DYSF: variants seen among roughly 807,000 people sequenced by gnomAD.
The protein encoded by DYSF is dysferlin.
A neutral mutation model predicts 274.9 loss-of-function variants in DYSF; 212 were observed. The observed-to-expected ratio is 0.77, with a 90% CI of 0.69 to 0.86. The LOEUF (loss-of-function observed/expected upper bound fraction) is 0.86, where lower values mean the gene tolerates loss of function less well. DYSF is among the 40% of genes least tolerant of loss of function. The pLI is 0.00. For missense variants in DYSF, 2,666 were observed against 2,783.2 expected (o/e 0.96, Z 0.95); for synonymous variants, 1,091 against 1,078.7 (o/e 1.01, Z -0.22).
intron 42 of DYSF, among the ~76,000 whole-genome samples, 176 bp from the exon 43 acceptor site, chr2:71,655,986 A>G (rs2094760460): frequency 6.6e-6 from 1 of 151,500 alleles, no homozygotes; most frequent in South Asian, 2.1e-4. Flanking sequence ...CTTTGCCTTC[A>G]TTCCTTTATT....
chr2:71,589,176 T>C (rs1412200328), intron 30 of DYSF, among the ~76,000 whole-genome samples: 4 of 152,094 alleles, frequency 2.6e-5, no homozygotes, highest in Non-Finnish European at 5.9e-5. Context: ...CCCAGCTCGA[T>C]GTTAGCAGGG....
rs547542541 is a variant in DYSF, at chr2:71,636,024, A to G, written c.4528-7941A>G. On this transcript the variant is annotated intron_variant, in intron 41 of 55. Coordinates refer to ENST00000410020, the MANE Select transcript of DYSF (RefSeq NM_001130987.2). Reference sequence around the variant, plus strand: ...TGAGGAAGTGGCTTAGGGATCTATCAGGGGGAATAGTGTTCCTGCCAGGGG... The same window carrying G: ...TGAGGAAGTGGCTTAGGGATCTATCGGGGGGAATAGTGTTCCTGCCAGGGG... Among the ~76,000 whole-genome samples, 36 of 152,228 alleles carry G rather than the reference A, an allele frequency of 2.4e-4. No individual in the cohort carries two copies. In the South Asian group the frequency reaches 7.3e-3, roughly 31 times the overall value.
intron 37 of DYSF, 53 bp downstream of exon 37, chr2:71,611,399 T>A (rs2093757401): frequency 6.2e-7 from 1 of 1,613,804 alleles, no homozygotes; most frequent in Admixed American, 1.7e-5. Context: ...CCCTTCCCCT[T>A]CCTGGCCCCA....
chr2:71,641,178 A>AT (rs10683765), intron 41 of DYSF, among the ~76,000 whole-genome samples: 82,461 of 124,238 alleles, frequency 0.66, 29,029 homozygotes, highest in Non-Finnish European at 0.74. Context: ...ATGTTTATCT[A>AT]TTTTTTTTTT....
intron 33 of DYSF, among the ~76,000 whole-genome samples, chr2:71,598,971 G>T (rs1329459691): frequency 2.0e-5 from 3 of 152,258 alleles, no homozygotes; most frequent in Non-Finnish European, 4.4e-5. Flanking sequence ...TCCGGAAAAG[G>T]CGCTTGGTTG....
intron 10 of DYSF, among the ~76,000 whole-genome samples, chr2:71,519,663 A>G (rs1437043466): frequency 5.3e-5 from 8 of 150,842 alleles, no homozygotes; most frequent in Admixed American, 5.3e-4. Context: ...TTTTTTTTTG[A>G]GACGGATTTT....
In DYSF at chr2:71,612,679, C is replaced by T. The variant is rs547886773; in HGVS notation, c.4260C>T (p.Thr1420=). The T allele has an allele frequency of 1.4e-5, 23 of 1,614,170 alleles. No homozygotes were observed. Among genetic ancestry groups the T allele is most frequent in the East Asian group, 1.1e-4 (5 of 44,876 alleles). The part of the protein sequence containing the change: ...PREELYCPPI[T]VKVIDNRQFG... ...AGGAGCTCTACTGCCCCCCCATCAC[C>T]GTCAAGGTCATCGATAACCGCCAGT... The change falls in exon 39 of 56, where the codon ACC becomes ACT. Residue 1420 remains threonine (T), a synonymous_variant. Transcript: ENST00000410020.
intron 30 of DYSF, among the ~76,000 whole-genome samples, chr2:71,580,307 T>A (rs924384943): frequency 1.6e-4 from 25 of 152,168 alleles, no homozygotes; most frequent in African/African-American, 6.0e-4. Context: ...CCGACTGCAG[T>A]AGAGAGGACC....
At position 71,601,540 on chromosome 2, in the gene DYSF, T is replaced by C; in HGVS notation, c.3927+12T>C. On this transcript the variant is annotated intron_variant, in intron 35 of 55. Coordinates refer to ENST00000410020, the MANE Select transcript of DYSF (RefSeq NM_001130987.2). Reference sequence around the variant, plus strand: ...TTCCTGGTTTTGAGGTAAGTCTTGCTCTGACCTTTCCTTCTTCAAACTGAT... The same window carrying C: ...TTCCTGGTTTTGAGGTAAGTCTTGCCCTGACCTTTCCTTCTTCAAACTGAT... 1 of 1,614,196 alleles carries C rather than the reference T, an allele frequency of 6.2e-7. No individual in the cohort carries two copies. Among genetic ancestry groups the C allele is most frequent in the Non-Finnish European group, 8.5e-7 (1 of 1,180,028 alleles).
chr2:71,635,748 C>CAAAAAAA (rs753590151), intron 41 of DYSF, among the ~76,000 whole-genome samples: 3 of 69,690 alleles, frequency 4.3e-5, no homozygotes, highest in South Asian at 5.9e-4. Context: ...GACTCTGTCT[C>CAAAAAAA]AAAAAAAAAA....
intron 3 of DYSF, among the ~76,000 whole-genome samples, chr2:71,502,609 C>T (rs927109935): frequency 1.3e-5 from 2 of 152,144 alleles, no homozygotes; most frequent in African/African-American, 4.8e-5. Flanking sequence ...CATACATGTG[C>T]CCCACCCCTC....
chr2:71,505,323 C>T (rs73940806), intron 4 of DYSF, among the ~76,000 whole-genome samples: 140 of 152,326 alleles, frequency 9.2e-4, no homozygotes, highest in African/African-American at 3.1e-3. Context: ...TGAGGGTTCT[C>T]GCTGGCCGCT....
chr2:71,667,362 T>A lies in DYSF; in HGVS notation c.5318-14T>A, dbSNP rs373692062. The stretch of plus-strand genomic sequence containing the variant: ...CCCAGCTCCTGCAACTTTTTTGTCT[T>A]CTCTCTGGGGCAGAGGCTGGCAGGA... On this transcript the variant is annotated splice_polypyrimidine_tract_variant and intron_variant, in intron 47 of 55. Coordinates refer to ENST00000410020, the MANE Select transcript of DYSF (RefSeq NM_001130987.2). 6.8e-5 allele frequency: 110 copies of A among 1,614,022 alleles called. No homozygotes were observed. The African/African-American group carries it at 1.2e-3, about 18-fold the overall frequency.
chr2:71,548,298 C>T (rs556400670), intron 17 of DYSF, among the ~76,000 whole-genome samples: 1 of 152,310 alleles, frequency 6.6e-6, no homozygotes, highest in South Asian at 2.1e-4. Flanking sequence ...TCTTCCTTCA[C>T]AAAGTTTTCC....
At chr2:71,524,715 C>G (rs963251029) in intron 12 of DYSF, among the ~76,000 whole-genome samples, 1 of 152,256 alleles carries the variant, frequency 6.6e-6, no homozygotes, top group African/African-American at 2.4e-5. Flanking sequence ...CAGCTGCCGA[C>G]TTCCCCATGT....
At position 71,562,693 on chromosome 2, in the gene DYSF, G is replaced by T. The variant is rs563391861; in HGVS notation, c.2409+749G>T. Among the ~76,000 whole-genome samples the T allele has an allele frequency of 2.0e-5, 3 of 152,346 alleles. No individual in the cohort carries two copies. In the South Asian group the frequency reaches 6.2e-4, roughly 32 times the overall value. On this transcript the variant is annotated intron_variant, in intron 23 of 55. Transcript: ENST00000410020. ...TCTCCCCAGGAGTGTGAGAAGGGCA[G>T]GGCCAGGAGAGCGGTTGCTGGAGGA...
chr2:71,671,591 A>G (rs1400669348), intron 51 of DYSF, among the ~76,000 whole-genome samples: 1 of 152,136 alleles, frequency 6.6e-6, no homozygotes. Context: ...AAGTAAGAGG[A>G]GAGATGATCT....
intron 29 of DYSF, among the ~76,000 whole-genome samples, chr2:71,571,150 G>A (rs2092408112): frequency 7.2e-6 from 1 of 138,576 alleles, no homozygotes; most frequent in African/African-American, 2.8e-5. Flanking sequence ...CGCATGCACA[G>A]ATCACACCCA....
At chr2:71,575,884 T>A (rs2092684001) in intron 30 of DYSF, among the ~76,000 whole-genome samples, 1 of 152,206 alleles carries the variant, frequency 6.6e-6, no homozygotes, top group Non-Finnish European at 1.5e-5. Context: ...CGCACCCCTG[T>A]CTTGGCCTTG....
Sources: allele counts gnomAD v4.1 joint callset (sites outside exome capture counted in the v4.1 genomes callset), GRCh38; gene constraint gnomAD v4.1.1; transcripts MANE v1.5; gene names NCBI Gene and HGNC (gene_info 2026-07-23, HGNC 2026-07-21).